Variants in PDE4D observed in about 807,000 individuals in gnomAD.
The protein encoded by PDE4D is phosphodiesterase 4D.
In PDE4D, 24 loss-of-function variants were observed where a neutral mutation model predicts 87.4. The ratio of observed to expected loss-of-function variants is 0.27; its 90% confidence interval spans 0.20 to 0.39. The LOEUF is 0.39. PDE4D is among the 10% of genes least tolerant of loss of function. The probability of loss-of-function intolerance (pLI) is 1.00; values close to 1 mark genes in which losing one functional copy is unlikely to be tolerated. For missense variants in PDE4D, 714 were observed against 1,041.0 expected (o/e 0.69, Z 4.32); for synonymous variants, 384 against 383.2 (o/e 1.00, Z -0.02).
chr5:60,515,601 C>CTTT lies in PDE4D; in HGVS notation n.70+6447_70+6449dup, dbSNP rs954970783. On this transcript the variant is annotated intron_variant and non_coding_transcript_variant, in intron 1 of 2. Transcript: ENST00000506510. ...CTGAGCTTTCTTTCCTTTTCTTTTTCTTTTTTTTTTTTTTTTTTCTGTCAG... is the reference window on the plus strand; with the variant it reads ...CTGAGCTTTCTTTCCTTTTCTTTTTCTTTTTTTTTTTTTTTTTTTTTCTGTCAG... 2.1e-3 allele frequency among the ~76,000 whole-genome samples: 226 copies of CTTT among 106,768 alleles called. 10 individuals carry two copies. Among genetic ancestry groups the CTTT allele is most frequent in the African/African-American group, 6.7e-3 (209 of 31,418 alleles). 70.0% of individuals were successfully genotyped at this position (106,768 alleles called of 152,430 possible). A position where few individuals can be genotyped will look rare whatever the true frequency, so the allele number is the denominator to read the frequency against.
chr5:60,292,595 C>T (rs1162624000), intron 1 of PDE4D, among the ~76,000 whole-genome samples: 1 of 152,198 alleles, frequency 6.6e-6, no homozygotes, highest in East Asian at 1.9e-4. Flanking sequence ...TTCTATCAAA[C>T]ATTCATAACT....
At chr5:59,166,955 T>C (rs2153470122) in intron 5 of PDE4D, among the ~76,000 whole-genome samples, 1 of 152,298 alleles carries the variant, frequency 6.6e-6, no homozygotes, top group African/African-American at 2.4e-5. Context: ...TCAACAGTAA[T>C]TGAATAATAT....
intron 1 of PDE4D, among the ~76,000 whole-genome samples, chr5:59,659,856 A>T (rs1744956595): frequency 1.3e-5 from 2 of 151,964 alleles, no homozygotes; most frequent in Non-Finnish European, 2.9e-5. Flanking sequence ...TTCTCTGACA[A>T]CTCTCTCATA....
chr5:59,924,667 G>A (rs1755045690), intron 3 of PDE4D, among the ~76,000 whole-genome samples: 3 of 151,686 alleles, frequency 2.0e-5, no homozygotes, highest in Admixed American at 6.6e-5. Flanking sequence ...ACAAGCAAAA[G>A]TTGATATGTC....
chr5:59,196,085 A>G (rs1745400356), intron 2 of PDE4D, among the ~76,000 whole-genome samples: 1 of 152,230 alleles, frequency 6.6e-6, no homozygotes, highest in African/African-American at 2.4e-5. Context: ...GGGGAAAGAA[A>G]AAGTTCTGGG....
chr5:59,532,508 G>A (rs1814422686), intron 1 of PDE4D, among the ~76,000 whole-genome samples: 1 of 152,132 alleles, frequency 6.6e-6, no homozygotes, highest in Non-Finnish European at 1.5e-5. Context: ...TGAAAAATGA[G>A]ACCATCACTT....
chr5:60,429,244 G>C (rs1486598640), intron 1 of PDE4D, among the ~76,000 whole-genome samples: 1 of 152,124 alleles, frequency 6.6e-6, no homozygotes, highest in East Asian at 1.9e-4. Context: ...TATATTTCTA[G>C]ATATGTTATT....
chr5:60,409,666 A>C lies in PDE4D; in HGVS notation c.-90+78276T>G, dbSNP rs186735220. 2.0e-3 allele frequency among the ~76,000 whole-genome samples: 301 copies of C among 152,374 alleles called. 3 individuals carry two copies. The highest frequency in any genetic ancestry group is 6.9e-3 in the African/African-American group (286 of 41,594). On this transcript the variant is annotated intron_variant, in intron 1 of 16. Transcript: ENST00000502484. The stretch of plus-strand genomic sequence containing the variant: ...AAACATTCTTAAGACAGATAAAGGA[A>C]GAAGGAGTTAATATTCAGCATCTGG...
At chr5:60,251,907 G>A (rs1237912860) in intron 1 of PDE4D, among the ~76,000 whole-genome samples, 1 of 151,834 alleles carries the variant, frequency 6.6e-6, no homozygotes, top group Non-Finnish European at 1.5e-5. Flanking sequence ...CTTCATTCAT[G>A]GTAAGTGTCC....
At chr5:59,159,114 C>T (rs144039389) in intron 5 of PDE4D, among the ~76,000 whole-genome samples, 5 of 104,804 alleles carry the variant, frequency 4.8e-5, no homozygotes, top group African/African-American at 1.5e-4. Context: ...TTGGTCTTTG[C>T]CTCCTCTGAA....
intron 1 of PDE4D, among the ~76,000 whole-genome samples, chr5:60,361,374 CATT>C (rs1183141713): frequency 6.6e-6 from 1 of 152,104 alleles, no homozygotes; most frequent in African/African-American, 2.4e-5. Context: ...ATTAATCAAT[CATT>C]GATGCAAAAT....
At chr5:59,356,899 C>T (rs756064108) in intron 1 of PDE4D, 37 of 1,485,736 alleles carry the variant, frequency 2.5e-5, no homozygotes, top group Middle Eastern at 1.8e-4. Context: ...AGAGCTGGTG[C>T]GGGGCTCTGG....
intron 1 of PDE4D, among the ~76,000 whole-genome samples, chr5:59,679,320 G>C (rs1216088118): frequency 2.6e-5 from 4 of 152,038 alleles, no homozygotes; most frequent in Non-Finnish European, 5.9e-5. Flanking sequence ...TGAAATATAT[G>C]GATTATCTTG....
At chr5:59,015,756 C>G (rs1032208933) in intron 6 of PDE4D, among the ~76,000 whole-genome samples, 2 of 152,160 alleles carry the variant, frequency 1.3e-5, no homozygotes, top group African/African-American at 4.8e-5. Flanking sequence ...CCATTTGACC[C>G]AGCCATCCCA....
At chr5:59,412,421 C>A (rs1379242746) in intron 1 of PDE4D, among the ~76,000 whole-genome samples, 2 of 152,100 alleles carry the variant, frequency 1.3e-5, no homozygotes, top group Non-Finnish European at 2.9e-5. Context: ...AGTTACACAT[C>A]CACAATTACG....
intron 2 of PDE4D, among the ~76,000 whole-genome samples, chr5:60,043,310 C>T (rs913174709): frequency 6.6e-6 from 1 of 152,028 alleles, no homozygotes; most frequent in East Asian, 1.9e-4. Context: ...AAAAAACAAA[C>T]TTACGTTTGA....
intron 1 of PDE4D, among the ~76,000 whole-genome samples, chr5:59,597,661 A>G (rs977841879): frequency 2.0e-5 from 3 of 152,190 alleles, no homozygotes; most frequent in African/African-American, 4.8e-5. Context: ...ATTTTTTCAA[A>G]TAATCATTTG....
chr5:59,279,223 G>T (rs1420942509), intron 1 of PDE4D, among the ~76,000 whole-genome samples: 1 of 151,968 alleles, frequency 6.6e-6, no homozygotes, highest in Non-Finnish European at 1.5e-5. Flanking sequence ...CAGTACTCCA[G>T]ATATGTCAAA....
At chr5:59,376,927 A>T (rs1371330669) in intron 1 of PDE4D, among the ~76,000 whole-genome samples, 1 of 152,214 alleles carries the variant, frequency 6.6e-6, no homozygotes, top group Non-Finnish European at 1.5e-5. Flanking sequence ...AAAAACAAGC[A>T]TTGGAGAAAA....
Sources: allele counts gnomAD v4.1 joint callset (sites outside exome capture counted in the v4.1 genomes callset), GRCh38; gene constraint gnomAD v4.1.1; transcripts MANE v1.5; gene names NCBI Gene and HGNC (gene_info 2026-07-23, HGNC 2026-07-21).